Variants in CWC22 observed in about 807,000 individuals in gnomAD.
CWC22 encodes pre-mRNA-splicing factor CWC22 homolog.
A neutral mutation model predicts 117.2 loss-of-function variants in CWC22; 53 were observed. The ratio of observed to expected loss-of-function variants is 0.45; its 90% CI spans 0.36 to 0.57. CWC22 has a LOEUF of 0.57. Ranked by LOEUF, CWC22 falls within the 20% of genes least tolerant of loss-of-function variation. The pLI is 0.00. For missense variants in CWC22, 980 were observed against 1,068.8 expected (o/e 0.92, Z 1.16); for synonymous variants, 360 against 355.6 (o/e 1.01, Z -0.14).
chr2:179,973,421 T>C (rs1017843576), intron 7 of CWC22, among the ~76,000 whole-genome samples, 175 bp from the exon 8 acceptor site: 1 of 152,248 alleles, frequency 6.6e-6, no homozygotes, highest in African/African-American at 2.4e-5. Context: ...TCTGGTTAAA[T>C]AGTTATAGTT....
intron 4 of CWC22, among the ~76,000 whole-genome samples, chr2:179,983,702 GAT>G (rs1687342524): frequency 6.6e-6 from 1 of 152,058 alleles, no homozygotes; most frequent in African/African-American, 2.4e-5. Flanking sequence ...TCCTAGGGAG[GAT>G]AGACAATCTG....
chr2:179,976,428 T>C (rs571045243), intron 6 of CWC22, among the ~76,000 whole-genome samples: 5 of 152,212 alleles, frequency 3.3e-5, no homozygotes, highest in Admixed American at 2.0e-4. Flanking sequence ...TACATAAAAC[T>C]AGAATGCTTC....
intron 11 of CWC22, among the ~76,000 whole-genome samples, chr2:179,968,749 G>A (rs1686955852): frequency 6.6e-6 from 1 of 151,692 alleles, no homozygotes; most frequent in South Asian, 2.1e-4. Flanking sequence ...TATATTTTTA[G>A]TAGAGACAGG....
chr2:179,946,464 AGGG>A (rs1553556645), intron 19 of CWC22, among the ~76,000 whole-genome samples: 44 of 92,564 alleles, frequency 4.8e-4, no homozygotes, highest in African/African-American at 1.9e-3. Context: ...AAAAAAAAAA[AGGG>A]GGGGGGGGAA....
At chr2:179,966,735 G>A (rs1686900833) in intron 11 of CWC22, among the ~76,000 whole-genome samples, 1 of 152,124 alleles carries the variant, frequency 6.6e-6, no homozygotes. Context: ...TTTGTCCAAT[G>A]GTGCTCTGTT....
chr2:179,959,942 A>T (rs72958887), intron 13 of CWC22, among the ~76,000 whole-genome samples: 10,430 of 152,094 alleles, frequency 0.069, 474 homozygotes, highest in East Asian at 0.26. Context: ...ATATGCATTG[A>T]ATTGTATTAC....
Position 179,972,268 on chromosome 2 carries a change from AATG to A in CWC22, c.804+922_804+924del, listed in dbSNP as rs1478450149. Among the ~76,000 whole-genome samples the A allele has an allele frequency of 2.6e-5, 4 of 152,200 alleles. No individual in the cohort carries two copies. In the East Asian group the frequency reaches 7.7e-4, roughly 29 times the overall value. Reference sequence around the variant, plus strand: ...CTGTTATACATGATATTAAATTGGAAATGATAATATATATCTGAAGGAAACTTT... The same window carrying A: ...CTGTTATACATGATATTAAATTGGAAATAATATATATCTGAAGGAAACTTT... On this transcript the variant is annotated intron_variant, in intron 8 of 19. Transcript: ENST00000410053.
At chr2:179,996,947 T>C (rs1687719403) in intron 1 of CWC22, among the ~76,000 whole-genome samples, 1 of 152,052 alleles carries the variant, frequency 6.6e-6, no homozygotes, top group South Asian at 2.1e-4. Flanking sequence ...TAAGAGAATT[T>C]ATCACCAGCA....
intron 14 of CWC22, among the ~76,000 whole-genome samples, chr2:179,957,930 T>C (rs774607913): frequency 6.6e-6 from 1 of 151,978 alleles, no homozygotes; most frequent in Admixed American, 6.6e-5. Context: ...CTTTGAAAAG[T>C]GAAGTATATC....
chr2:179,981,991 C>T lies in CWC22; in HGVS notation c.213G>A (p.Arg71=). 1 of 1,517,572 alleles carries T rather than the reference C, an allele frequency of 6.6e-7. No homozygotes were observed. Among genetic ancestry groups the T allele is most frequent in the Non-Finnish European group, 8.9e-7 (1 of 1,118,694 alleles). The allele number at this position is 1,517,572 out of a possible 1,614,324, so 94.0% of individuals were successfully genotyped here. A position where few individuals can be genotyped will look rare whatever the true frequency, so the allele number is the denominator to read the frequency against. ...CTCTTTCTCTGCGTTTTTCTCGGTC[C>T]CTGTTTCTGTAATATAAATTTTTTG... ...SYDSSMESRN[R]DREKRRERER... is the part of the protein sequence containing the mutation. The change falls in exon 5 of 20, where the codon AGG becomes AGA. Residue 71 remains arginine (R), a synonymous_variant. Coordinates refer to ENST00000410053, the MANE Select transcript of CWC22 (RefSeq NM_020943.3).
Position 180,002,043 on chromosome 2 carries a change from C to T in CWC22, c.-114+4824G>A, listed in dbSNP as rs551018355. ...CATCCCCATAGCTTTAATTAACATGCGAAAACAACTTTTTACTCCAGCCAA... is the reference window on the plus strand; with the variant it reads ...CATCCCCATAGCTTTAATTAACATGTGAAAACAACTTTTTACTCCAGCCAA... On this transcript the variant is annotated intron_variant, in intron 1 of 19. Transcript: ENST00000410053. 3.3e-5 allele frequency among the ~76,000 whole-genome samples: 5 copies of T among 152,154 alleles called. No individual in the cohort carries two copies. The East Asian group carries it at 5.8e-4, about 18-fold the overall frequency.
intron 14 of CWC22, among the ~76,000 whole-genome samples, chr2:179,955,325 T>C (rs756985160): frequency 6.6e-6 from 1 of 151,904 alleles, no homozygotes; most frequent in Non-Finnish European, 1.5e-5. Flanking sequence ...GAAACAGACA[T>C]ATGAGGGAGA....
At chr2:180,006,383 G>A (rs1687974054) in intron 1 of CWC22, among the ~76,000 whole-genome samples, 1 of 152,182 alleles carries the variant, frequency 6.6e-6, no homozygotes, top group African/African-American at 2.4e-5. Context: ...TCGTTAGAGA[G>A]GTGGAGCCTG....
At chr2:180,005,980 TCTC>T (rs1559300873) in intron 1 of CWC22, among the ~76,000 whole-genome samples, 1 of 152,184 alleles carries the variant, frequency 6.6e-6, no homozygotes, top group East Asian at 1.9e-4. Context: ...TAACAATGCT[TCTC>T]CTCTCCTGGT....
chr2:179,993,479 T>C, intron 1 of CWC22, 25 bp from the exon 2 acceptor site: 1 of 631,912 alleles, frequency 1.6e-6, no homozygotes, highest in South Asian at 1.9e-5. Flanking sequence ...AAAGAAAGCT[T>C]TATTAACACT....
chr2:179,983,344 A>T (rs751681486), intron 4 of CWC22, among the ~76,000 whole-genome samples: 2 of 152,140 alleles, frequency 1.3e-5, no homozygotes, highest in Non-Finnish European at 2.9e-5. Context: ...GCTCCCACTT[A>T]TAAATGAGAA....
rs752873284 is a variant in CWC22 at position 179,973,232 on chromosome 2, A to C, written c.765T>G (p.Thr255=). ...TAAGATGCGCCACAAATTTTGAAGC[A>C]GTCAGGCAAAGTTGCTGAAAAATAA... The part of the protein sequence containing the change: ...YRRNDKQLCL[T]ASKFVAHLIN... Residue 255 remains threonine, a synonymous_variant, in exon 8 of 20, where the codon ACT becomes ACG. Coordinates refer to ENST00000410053, the MANE Select transcript of CWC22 (RefSeq NM_020943.3). 6.2e-7 allele frequency: 1 copy of C among 1,600,310 alleles called. No individual in the cohort carries two copies. Among genetic ancestry groups the C allele is most frequent in the South Asian group, 1.1e-5 (1 of 88,318 alleles).
At chr2:180,006,536 T>A (rs752943932) in intron 1 of CWC22, among the ~76,000 whole-genome samples, 12 of 151,952 alleles carry the variant, frequency 7.9e-5, no homozygotes, top group Non-Finnish European at 1.5e-5. Context: ...ACAGGGCAAA[T>A]AAATGAAAAA....
intron 14 of CWC22, among the ~76,000 whole-genome samples, chr2:179,955,291 C>T (rs1300591288): frequency 1.3e-5 from 2 of 151,730 alleles, no homozygotes; most frequent in Non-Finnish European, 1.5e-5. Context: ...TAAGTATGAA[C>T]CACATCAAGA....
Sources: allele counts gnomAD v4.1 joint callset (sites outside exome capture counted in the v4.1 genomes callset), GRCh38; gene constraint gnomAD v4.1.1; transcripts MANE v1.5; gene names NCBI Gene and HGNC (gene_info 2026-07-23, HGNC 2026-07-21).